The following PALS1 variants were observed in gnomAD, a reference collection of about 807,000 sequenced individuals.
PALS1 encodes protein PALS1.
In PALS1, 31 loss-of-function variants were observed where a neutral mutation model predicts 78.9. The observed-to-expected ratio is 0.39, with a 90% CI of 0.30 to 0.53. The LOEUF (loss-of-function observed/expected upper bound fraction) is 0.53, where lower values mean the gene tolerates loss of function less well. Ranked by LOEUF, PALS1 falls within the 20% of genes least tolerant of loss-of-function variation. The pLI, the probability that PALS1 is intolerant of heterozygous loss-of-function variation, is 0.67. For missense variants in PALS1, 704 were observed against 826.5 expected (o/e 0.85, Z 1.82); for synonymous variants, 276 against 270.9 (o/e 1.02, Z -0.18).
At chr14:67,301,614 T>C (rs2084933769) in intron 5 of PALS1, 148 bp downstream of exon 5, 1 of 502,104 alleles carries the variant, frequency 2.0e-6, no homozygotes, top group African/African-American at 2.0e-5. Context: ...GTAGTTATTG[T>C]TGGATTATAT....
chr14:67,255,457 T>C (rs2084131675), intron 1 of PALS1, among the ~76,000 whole-genome samples: 1 of 152,204 alleles, frequency 6.6e-6, no homozygotes, highest in African/African-American at 2.4e-5. Context: ...ACTGCTTTCT[T>C]ACATTTTAAA....
At chr14:67,315,637 C>T (rs529624459) in intron 9 of PALS1, among the ~76,000 whole-genome samples, 35 of 152,284 alleles carry the variant, frequency 2.3e-4, no homozygotes, top group African/African-American at 7.5e-4. Flanking sequence ...ACTAAGAATA[C>T]AGTCTTGGCC....
At chr14:67,302,306 C>G in intron 6 of PALS1, 104 bp from the exon 7 acceptor site, 2 of 1,088,608 alleles carry the variant, frequency 1.8e-6, no homozygotes, top group Non-Finnish European at 1.2e-6. Context: ...CTTAAGATAA[C>G]TGAAGGTTAG....
At chr14:67,329,660 C>G (rs1230784134) in intron 14 of PALS1, among the ~76,000 whole-genome samples, 1 of 151,978 alleles carries the variant, frequency 6.6e-6, no homozygotes, top group South Asian at 2.1e-4. Flanking sequence ...GGACGCATCA[C>G]TTGAGGCCAG....
At chr14:67,310,722 A>G (rs1289792846) in intron 8 of PALS1, among the ~76,000 whole-genome samples, 2 of 152,208 alleles carry the variant, frequency 1.3e-5, no homozygotes, top group African/African-American at 4.8e-5. Flanking sequence ...CAGTTTGTAT[A>G]TTAGGACTCA....
intron 1 of PALS1, among the ~76,000 whole-genome samples, chr14:67,264,632 T>C (rs2084290765): frequency 6.6e-6 from 1 of 152,234 alleles, no homozygotes. Context: ...TAATAAAATT[T>C]GTAAATGAAT....
chr14:67,260,201 C>T (rs1002546514), intron 1 of PALS1, among the ~76,000 whole-genome samples: 16 of 152,136 alleles, frequency 1.1e-4, no homozygotes, highest in African/African-American at 2.9e-4. Context: ...TAACTGTATT[C>T]GTAAAATTAT....
At chr14:67,327,558 T>A (rs2085377795) in intron 14 of PALS1, among the ~76,000 whole-genome samples, 1 of 152,158 alleles carries the variant, frequency 6.6e-6, no homozygotes, top group Non-Finnish European at 1.5e-5. Context: ...GTTACGTATG[T>A]ATACATGTGC....
rs547891981 is a variant in PALS1, at chr14:67,261,409, A to T, written c.-236-8292A>T. Among the ~76,000 whole-genome samples the T allele has an allele frequency of 3.4e-4, 52 of 152,284 alleles. 2 individuals carry two copies. The South Asian group carries it at 0.011, about 31-fold the overall frequency. Reference sequence around the variant, plus strand: ...TATGTGAGATACAGAGGTAGAATTGATGGGAGTTGGTATAGTTATAAGTAT... The same window carrying T: ...TATGTGAGATACAGAGGTAGAATTGTTGGGAGTTGGTATAGTTATAAGTAT... On this transcript the variant is annotated intron_variant, in intron 1 of 14. Transcript: ENST00000261681.
At position 67,317,412 on chromosome 14, in the gene PALS1, AC is replaced by A; in HGVS notation, c.1303del (p.Leu435CysfsTer30). 1 of 1,610,722 alleles carries A rather than the reference AC, an allele frequency of 6.2e-7. No homozygotes were observed. The highest frequency in any genetic ancestry group is 8.5e-7 in the Non-Finnish European group (1 of 1,178,368). On this transcript the variant is annotated frameshift_variant, in exon 11 of 15. Transcript: ENST00000261681. LOFTEE classifies it high-confidence loss of function. The stretch of plus-strand genomic sequence containing the variant: ...ATGTTTATGATTGCTCAACAGGAAA[AC>A]TGTGGTGTGCAAAGAAGAATAAAAA... Reference protein sequence around the residue: ...EDKEPEKSGKLWCAKKNKKKR... With the variant: ...EDKEPEKSGKXWCAKKNKKKR...
intron 1 of PALS1, among the ~76,000 whole-genome samples, chr14:67,257,252 C>T (rs902371306): frequency 3.9e-5 from 6 of 152,136 alleles, no homozygotes; most frequent in Non-Finnish European, 1.5e-5. Flanking sequence ...GCAGAGGAAG[C>T]AATCAGATAT....
chr14:67,301,590 C>T (rs2084933419), intron 5 of PALS1, 124 bp downstream of exon 5: 2 of 519,192 alleles, frequency 3.9e-6, no homozygotes, highest in Non-Finnish European at 6.6e-6. Flanking sequence ...GTTTACAACC[C>T]CATCTATAAC....
chr14:67,279,753 A>C, intron 3 of PALS1: 2 of 423,128 alleles, frequency 4.7e-6, no homozygotes. Flanking sequence ...AAGTCACTAT[A>C]ACATGTTTTT....
chr14:67,320,398 G>T lies in PALS1; in HGVS notation c.1537+1G>T. On this transcript the variant is annotated splice_donor_variant, in intron 12 of 14. Coordinates refer to ENST00000261681, the MANE Select transcript of PALS1 (RefSeq NM_022474.4). LOFTEE classifies it high-confidence loss of function. ...GACCGCTTTGCATCTGCAGTTCCTC[G>T]TAAGTTTGAATGCATTCCCATTTTC... 2 of 1,592,646 alleles carry T rather than the reference G, an allele frequency of 1.3e-6. No homozygotes were observed. The highest frequency in any genetic ancestry group is 8.5e-7 in the Non-Finnish European group (1 of 1,170,318).
chr14:67,246,543 A>G (rs1312199707), intron 1 of PALS1, among the ~76,000 whole-genome samples: 1 of 150,932 alleles, frequency 6.6e-6, no homozygotes, highest in South Asian at 2.1e-4. Flanking sequence ...ATCTCCCTAT[A>G]TTGCCCAAGC....
At chr14:67,257,522 C>T (rs1416882088) in intron 1 of PALS1, among the ~76,000 whole-genome samples, 1 of 151,818 alleles carries the variant, frequency 6.6e-6, no homozygotes, top group East Asian at 1.9e-4. Context: ...AAGTGAGACA[C>T]AACTTGTGGA....
At chr14:67,303,379 C>T (rs2084956018) in intron 7 of PALS1, 143 bp from the exon 8 acceptor site, 1 of 634,966 alleles carries the variant, frequency 1.6e-6, no homozygotes, top group Admixed American at 2.7e-5. Context: ...CCATTCATTG[C>T]TTTGGTAGAG....
At chr14:67,311,704 G>T (rs955919601) in intron 8 of PALS1, among the ~76,000 whole-genome samples, 3 of 152,164 alleles carry the variant, frequency 2.0e-5, no homozygotes, top group Non-Finnish European at 4.4e-5. Flanking sequence ...GTTACTACCT[G>T]CCCTTAATGC....
intron 13 of PALS1, among the ~76,000 whole-genome samples, chr14:67,323,367 C>T (rs1473945576): frequency 6.6e-6 from 1 of 151,570 alleles, no homozygotes; most frequent in East Asian, 1.9e-4. Flanking sequence ...AATCCCAGCA[C>T]TTTGGGAGAG....
Sources: gnomAD v4.1 joint callset for allele counts (sites outside exome capture counted in the v4.1 genomes callset) on GRCh38, gnomAD v4.1.1 for gene constraint, MANE v1.5 for transcripts, NCBI Gene and HGNC (gene_info 2026-07-23, HGNC 2026-07-21) for gene names.